RXFP1: variants seen among roughly 807,000 people sequenced by gnomAD.
RXFP1 encodes the protein relaxin family peptide receptor 1, also known as relaxin receptor 1.
In RXFP1, 73 loss-of-function variants were observed where a neutral mutation model predicts 89.8. The ratio of observed to expected loss-of-function variants is 0.81; its 90% CI spans 0.67 to 0.99. The LOEUF is 0.99. Ranked by LOEUF, RXFP1 falls within the 50% of genes least tolerant of loss-of-function variation. The pLI, the probability that RXFP1 is intolerant of heterozygous loss-of-function variation, is 0.00. For missense variants in RXFP1, 793 were observed against 895.5 expected, an observed-to-expected ratio of 0.89 and a Z score of 1.46; for synonymous variants, 277 against 305.5, an observed-to-expected ratio of 0.91 and a Z score of 0.97.
intron 5 of RXFP1, among the ~76,000 whole-genome samples, chr4:158,607,329 T>G (rs1261485570): frequency 1.2e-5 from 1 of 85,584 alleles, no homozygotes; most frequent in African/African-American, 3.2e-4. Flanking sequence ...ATTTTTATGT[T>G]TTTTTTCTTT....
At chr4:158,546,314 T>C (rs1748392099) in intron 1 of RXFP1, among the ~76,000 whole-genome samples, 2 of 152,232 alleles carry the variant, frequency 1.3e-5, no homozygotes, top group South Asian at 4.1e-4. Context: ...TCCCGAGACT[T>C]TTCTGAAGTT....
At chr4:158,542,107 A>ATTTTTTT (rs1438929204) in intron 1 of RXFP1, among the ~76,000 whole-genome samples, 2 of 28,220 alleles carry the variant, frequency 7.1e-5, no homozygotes, top group African/African-American at 2.6e-4. Flanking sequence ...ATATATATAT[A>ATTTTTTT]TATTTTTTTT....
chr4:158,568,037 C>T (rs768366440), intron 1 of RXFP1, among the ~76,000 whole-genome samples: 14 of 152,186 alleles, frequency 9.2e-5, no homozygotes, highest in Non-Finnish European at 1.6e-4. Flanking sequence ...ATCAAGACCA[C>T]GAACCCACTG....
At chr4:158,575,977 C>T (rs1162719910) in intron 2 of RXFP1, among the ~76,000 whole-genome samples, 1 of 152,196 alleles carries the variant, frequency 6.6e-6, no homozygotes, top group Non-Finnish European at 1.5e-5. Context: ...TTTTCTCAAG[C>T]ACCTGCAGTC....
chr4:158,599,154 A>G (rs1293464020), intron 3 of RXFP1, 172 bp from the exon 4 acceptor site: 1 of 1,005,096 alleles, frequency 9.9e-7, no homozygotes, highest in Non-Finnish European at 1.4e-6. Context: ...AGGTTAAATT[A>G]AAAGCAAACT....
At chr4:158,560,233 T>C (rs1027794853) in intron 1 of RXFP1, among the ~76,000 whole-genome samples, 1 of 152,214 alleles carries the variant, frequency 6.6e-6, no homozygotes, top group Non-Finnish European at 1.5e-5. Flanking sequence ...ACATTTCTCT[T>C]GGGGCTTCCA....
intron 11 of RXFP1, among the ~76,000 whole-genome samples, chr4:158,631,856 G>A (rs1009626040): frequency 6.6e-6 from 1 of 152,194 alleles, no homozygotes; most frequent in African/African-American, 2.4e-5. Context: ...ACTTTGGGAG[G>A]CTGAGACGGG....
intron 1 of RXFP1, among the ~76,000 whole-genome samples, chr4:158,526,355 C>T (rs1483061802): frequency 6.6e-6 from 1 of 152,190 alleles, no homozygotes. Context: ...TTATTAGCCC[C>T]ACAACCCCAA....
chr4:158,615,673 G>A (rs1164890878), intron 8 of RXFP1, among the ~76,000 whole-genome samples: 1 of 152,116 alleles, frequency 6.6e-6, no homozygotes, highest in Non-Finnish European at 1.5e-5. Flanking sequence ...GGCTGGGCAG[G>A]GTGGCTCACG....
intron 8 of RXFP1, among the ~76,000 whole-genome samples, chr4:158,614,802 C>T (rs943859603): frequency 8.5e-5 from 13 of 152,150 alleles, no homozygotes; most frequent in African/African-American, 2.9e-4. Flanking sequence ...CTAACTGGTG[C>T]ATGAGGCCTG....
chr4:158,638,807 G>A (rs1312097896), intron 13 of RXFP1, among the ~76,000 whole-genome samples: 1 of 55,380 alleles, frequency 1.8e-5, no homozygotes, highest in African/African-American at 4.8e-5. Context: ...GGAAGACCCT[G>A]TCTCAAAAAA....
intron 1 of RXFP1, among the ~76,000 whole-genome samples, chr4:158,550,472 C>G (rs1196983678): frequency 6.6e-6 from 1 of 152,218 alleles, no homozygotes; most frequent in East Asian, 1.9e-4. Context: ...CACCCACTGT[C>G]TGGCACTCCC....
intron 1 of RXFP1, among the ~76,000 whole-genome samples, chr4:158,525,794 G>C (rs1742369887): frequency 6.6e-6 from 1 of 152,182 alleles, no homozygotes; most frequent in South Asian, 2.1e-4. Context: ...AGGAAACAGA[G>C]AATGAGAAAT....
Position 158,599,448 on chromosome 4 carries a change from T to C in RXFP1, c.392+17T>C, listed in dbSNP as rs1431170467. 6.2e-7 allele frequency: 1 copy of C among 1,602,740 alleles called. No individual in the cohort carries two copies. The highest frequency in any genetic ancestry group is 1.7e-5 in the Admixed American group (1 of 59,808). On this transcript the variant is annotated intron_variant, in intron 4 of 17. Coordinates refer to ENST00000307765, the MANE Select transcript of RXFP1 (RefSeq NM_021634.4). ...GACTGCAATGTAAGTAGAAAAGAAT[T>C]ACTTCATCCTGACAGCTGGGTAGCA...
chr4:158,644,675 T>C (rs1173623642), intron 14 of RXFP1, among the ~76,000 whole-genome samples: 1 of 152,216 alleles, frequency 6.6e-6, no homozygotes, highest in Non-Finnish European at 1.5e-5. Flanking sequence ...GTCTAACACT[T>C]GTTATGTTTA....
chr4:158,594,343 C>G (rs1219882251), intron 3 of RXFP1, among the ~76,000 whole-genome samples: 1 of 152,136 alleles, frequency 6.6e-6, no homozygotes, highest in Non-Finnish European at 1.5e-5. Flanking sequence ...CGTCCTCAGC[C>G]CTACCCTCAT....
Position 158,637,981 on chromosome 4 carries a change from C to G in RXFP1, c.972-27C>G, listed in dbSNP as rs760693878. 3 of 1,414,760 alleles carry G rather than the reference C, an allele frequency of 2.1e-6. No individual in the cohort carries two copies. The South Asian group carries it at 3.5e-5, about 16-fold the overall frequency. The allele number at this position is 1,414,760 out of a possible 1,614,324, so 87.6% of individuals were successfully genotyped here. A position where few individuals can be genotyped will look rare whatever the true frequency, so the allele number is the denominator to read the frequency against. ...TTACTCATGTAGTTTTTAGAAATGACCTATTGCTGCTTTTTTTAAAAAACA... is the reference window on the plus strand; with the variant it reads ...TTACTCATGTAGTTTTTAGAAATGAGCTATTGCTGCTTTTTTTAAAAAACA... On this transcript the variant is annotated intron_variant, in intron 12 of 17. Coordinates refer to ENST00000307765, the MANE Select transcript of RXFP1 (RefSeq NM_021634.4).
chr4:158,599,771 T>G (rs1761331401), intron 4 of RXFP1, among the ~76,000 whole-genome samples: 1 of 152,206 alleles, frequency 6.6e-6, no homozygotes, highest in Non-Finnish European at 1.5e-5. Context: ...TATAGAATTT[T>G]CACTTGACAT....
chr4:158,560,199 G>A (rs6419290), intron 1 of RXFP1, among the ~76,000 whole-genome samples: 151,954 of 152,336 alleles, frequency 1, 75,788 homozygotes, highest in Middle Eastern at 1. Flanking sequence ...TCTCCACACC[G>A]TAAGCCATCT....
Sources: gnomAD v4.1 joint callset for allele counts (sites outside exome capture counted in the v4.1 genomes callset) on GRCh38, gnomAD v4.1.1 for gene constraint, MANE v1.5 for transcripts, NCBI Gene and HGNC (gene_info 2026-07-23, HGNC 2026-07-21) for gene names.